ZNF536: variants seen among roughly 807,000 people sequenced by gnomAD.
ZNF536 encodes zinc finger protein 536.
Under a neutral mutation model 84.5 loss-of-function variants are expected in ZNF536, and 13 were observed. The ratio of observed to expected loss-of-function variants is 0.15; its 90% CI spans 0.10 to 0.24. ZNF536 has a LOEUF of 0.24. ZNF536 is among the 10% of genes least tolerant of loss of function. ZNF536 has a pLI of 1.00. For missense variants in ZNF536, 1,536 were observed against 1,747.5 expected, an observed-to-expected ratio of 0.88 and a Z score of 2.16; for synonymous variants, 811 against 742.5, an observed-to-expected ratio of 1.09 and a Z score of -1.50.
At chr19:30,464,580 A>G (rs2053300322) in intron 2 of ZNF536, among the ~76,000 whole-genome samples, 1 of 151,972 alleles carries the variant, frequency 6.6e-6, no homozygotes, top group South Asian at 2.1e-4. Context: ...CAAGACCCCA[A>G]GTGGCAGCTC....
At chr19:30,568,670 T>C (rs1166873170) in intron 1 of ZNF536, among the ~76,000 whole-genome samples, 3 of 152,166 alleles carry the variant, frequency 2.0e-5, no homozygotes, top group South Asian at 2.1e-4. Context: ...GAGCTTTTCA[T>C]TGGAAAGGGA....
chr19:30,240,024 G>C (rs2023823097), intron 1 of ZNF536, among the ~76,000 whole-genome samples: 1 of 152,160 alleles, frequency 6.6e-6, no homozygotes, highest in Non-Finnish European at 1.5e-5. Flanking sequence ...TATCATTTGT[G>C]AGTTATTAAC....
intron 1 of ZNF536, among the ~76,000 whole-genome samples, chr19:30,401,751 G>T (rs1027007259): frequency 6.6e-6 from 1 of 152,180 alleles, no homozygotes; most frequent in Non-Finnish European, 1.5e-5. Flanking sequence ...AGCTAGATTT[G>T]TGGGTGGTAG....
chr19:30,301,752 G>A (rs1345075968), intron 2 of ZNF536, among the ~76,000 whole-genome samples: 1 of 152,050 alleles, frequency 6.6e-6, no homozygotes, highest in Non-Finnish European at 1.5e-5. Flanking sequence ...TCTGCATTTG[G>A]ATTGACAACT....
At chr19:30,525,701 C>G (rs544783224) in intron 2 of ZNF536, among the ~76,000 whole-genome samples, 1 of 152,066 alleles carries the variant, frequency 6.6e-6, no homozygotes, top group Non-Finnish European at 1.5e-5. Context: ...GACTTTTACA[C>G]GAAAGTTAGA....
chr19:30,232,290 A>G (rs1490663760), intron 1 of ZNF536, among the ~76,000 whole-genome samples: 2 of 152,202 alleles, frequency 1.3e-5, no homozygotes, highest in East Asian at 3.9e-4. Context: ...ATAATTTTTC[A>G]ACTTTTATTT....
At chr19:30,333,165 A>ATAAG (rs35523629) in intron 2 of ZNF536, among the ~76,000 whole-genome samples, 47,573 of 151,532 alleles carry the variant, frequency 0.31, 7,903 homozygotes, top group African/African-American at 0.41. Context: ...AAATAAATTA[A>ATAAG]TAAGTAAGTA....
chr19:30,368,728 C>G (rs1289739018), upstream of ZNF536, among the ~76,000 whole-genome samples: 1 of 152,210 alleles, frequency 6.6e-6, no homozygotes, highest in African/African-American at 2.4e-5. Flanking sequence ...AAGGTGTGGC[C>G]TCTGGTACAA....
At chr19:30,539,634 T>G (rs8104952) in intron 3 of ZNF536, among the ~76,000 whole-genome samples, 2 of 152,118 alleles carry the variant, frequency 1.3e-5, no homozygotes, top group Non-Finnish European at 2.9e-5. Flanking sequence ...TCAGGATTGG[T>G]CTCCATGCAC....
At chr19:30,439,959 C>CTTTTTTTTTTTTTTT (rs199638233) in intron 1 of ZNF536, among the ~76,000 whole-genome samples, 30 of 96,394 alleles carry the variant, frequency 3.1e-4, no homozygotes, top group African/African-American at 4.5e-4. Flanking sequence ...TTCTTTCTTT[C>CTTTTTTTTTTTTTTT]TTTTTTTTTT....
chr19:30,637,007 A>G (rs1200421464), intron 1 of ZNF536, among the ~76,000 whole-genome samples: 4 of 152,088 alleles, frequency 2.6e-5, no homozygotes, highest in Admixed American at 1.3e-4. Context: ...GGATTCTGTC[A>G]CCTACAGTTT....
At chr19:30,316,394 T>C (rs1212650037) in intron 2 of ZNF536, among the ~76,000 whole-genome samples, 1 of 152,260 alleles carries the variant, frequency 6.6e-6, no homozygotes. Flanking sequence ...TTCATATCTG[T>C]ATTGCCCACT....
At chr19:30,510,207 T>C (rs748751167) in intron 2 of ZNF536, among the ~76,000 whole-genome samples, 33 of 152,226 alleles carry the variant, frequency 2.2e-4, no homozygotes, top group Non-Finnish European at 4.1e-4. Flanking sequence ...AGGTGCTTGT[T>C]TGTTATGAGA....
At chr19:30,637,872 G>A (rs1056527241) in intron 1 of ZNF536, among the ~76,000 whole-genome samples, 4 of 152,138 alleles carry the variant, frequency 2.6e-5, no homozygotes, top group African/African-American at 9.7e-5. Context: ...GTTAGACAAA[G>A]GCAGCAAGGT....
At chr19:30,447,550 C>T (rs190882875) in intron 2 of ZNF536, among the ~76,000 whole-genome samples, 1 of 152,300 alleles carries the variant, frequency 6.6e-6, no homozygotes, top group African/African-American at 2.4e-5. Flanking sequence ...TAACCAGCAG[C>T]ATGAGTGCCA....
intron 1 of ZNF536, chr19:30,436,404 A>G: frequency 1.4e-6 from 1 of 703,508 alleles, no homozygotes; most frequent in East Asian, 1.3e-4. Context: ...TATCCTGCCC[A>G]CCCCAGTAAT....
chr19:30,609,111 T>C (rs1040651171), intron 1 of ZNF536, among the ~76,000 whole-genome samples: 1 of 152,232 alleles, frequency 6.6e-6, no homozygotes, highest in Non-Finnish European at 1.5e-5. Context: ...TTTTCTACTT[T>C]TCTATTCAAT....
Position 30,411,631 on chromosome 19 carries a change from G to A in ZNF536, c.-2-31930G>A, listed in dbSNP as rs113198836. Among the ~76,000 whole-genome samples, 343 of 151,924 alleles carry A rather than the reference G, an allele frequency of 2.3e-3. 2 individuals are homozygous for A. The highest frequency in any genetic ancestry group is 7.8e-3 in the African/African-American group (323 of 41,456). On this transcript the variant is annotated intron_variant, in intron 1 of 4. Transcript: ENST00000355537. Reference sequence around the variant, plus strand: ...TTTATCAAAACCACGTGTCACTTTCGGGCTTCTCTCTACCTGGTTCATTGA... The same window carrying A: ...TTTATCAAAACCACGTGTCACTTTCAGGCTTCTCTCTACCTGGTTCATTGA...
At chr19:30,246,046 C>T (rs948697911) in intron 1 of ZNF536, among the ~76,000 whole-genome samples, 25 of 152,016 alleles carry the variant, frequency 1.6e-4, no homozygotes, top group Admixed American at 8.5e-4. Context: ...GTCGTGGAGA[C>T]GAGAGAAGAT....
Sources: gnomAD v4.1 joint callset for allele counts (sites outside exome capture counted in the v4.1 genomes callset) on GRCh38, gnomAD v4.1.1 for gene constraint, MANE v1.5 for transcripts, NCBI Gene and HGNC (gene_info 2026-07-23, HGNC 2026-07-21) for gene names.